COL1A2: variants seen among roughly 807,000 people sequenced by gnomAD.
COL1A2 encodes collagen alpha-2(I) chain.
COL1A2 carries 49 observed loss-of-function variants against 174.3 expected under a neutral mutation model. The ratio of observed to expected loss-of-function variants is 0.28; its 90% CI spans 0.22 to 0.36. The LOEUF (loss-of-function observed/expected upper bound fraction) is 0.36. Among genes scored for constraint, COL1A2 ranks in the 10% least tolerant of loss-of-function variants. The pLI is 1.00. For missense variants in COL1A2, 1,438 were observed against 1,822.7 expected (o/e 0.79, Z 3.84); for synonymous variants, 655 against 606.6 (o/e 1.08, Z -1.17).
chr7:94,398,185 T>C (rs1422145378), intron 2 of COL1A2, among the ~76,000 whole-genome samples, 197 bp from the exon 3 acceptor site: 2 of 152,102 alleles, frequency 1.3e-5, no homozygotes, highest in African/African-American at 4.8e-5. Context: ...GTATTTTTTG[T>C]TCTGTAGGTA....
chr7:94,424,369 C>T lies in COL1A2; in HGVS notation c.2599C>T (p.Leu867Phe). Residue 867 changes from leucine (L) to phenylalanine (F), a missense_variant, in exon 41 of 52, where the codon CTT (leucine) becomes TTT (phenylalanine). By Grantham distance (22) the Leu-to-Phe change is conservative (BLOSUM62 0). Around this residue, in one of 3 missense-constraint regions of COL1A2, gnomAD observed 867 missense variants for 1,213.7 expected, o/e 0.71. Transcript: ENST00000297268. Reference sequence around the variant, plus strand: ...TGGCACTCCAGGTCCTCAGGGTCTTCTTGGTGCTCCTGGTATTCTGGGTCT... The same window carrying T: ...TGGCACTCCAGGTCCTCAGGGTCTTTTTGGTGCTCCTGGTATTCTGGGTCT... ...PPGTPGPQGL[L>F]GAPGILGLPG... The T allele has an allele frequency of 6.2e-7, 1 of 1,614,136 alleles. No individual in the cohort carries two copies. The highest frequency in any genetic ancestry group is 8.5e-7 in the Non-Finnish European group (1 of 1,180,012).
intron 40 of COL1A2, chr7:94,423,667 T>G (rs1792215608): frequency 6.1e-6 from 1 of 165,242 alleles, no homozygotes. Flanking sequence ...CGATCTCAGC[T>G]CACTGCGACT....
rs541912705 is a variant in COL1A2 at position 94,420,627 on chromosome 7, C to G, written c.2274C>G (p.Pro758=). ...ACGGTGTTGTTGGTCCCACAGGCCC[C>G]GTTGGAGCTGCTGGCCCAGCTGTAA... is the stretch of plus-strand genomic sequence containing the variant. ...GENGVVGPTG[P]VGAAGPAGPN... Residue 758 remains proline, a synonymous_variant, in exon 37 of 52, where the codon CCC becomes CCG. Transcript: ENST00000297268. 2.5e-6 allele frequency: 4 copies of G among 1,604,024 alleles called. No homozygotes were observed. The African/African-American group carries it at 5.4e-5, about 21-fold the overall frequency.
chr7:94,412,165 T>TGCACCCTTATC, intron 24 of COL1A2, 44 bp downstream of exon 24: 1 of 1,522,864 alleles, frequency 6.6e-7, no homozygotes, highest in Non-Finnish European at 9.1e-7. Context: ...GGACACTTAT[T>TGCACCCTTATC]GCACCCTTAT....
intron 41 of COL1A2, 166 bp from the exon 42 acceptor site, chr7:94,424,951 G>C: frequency 1.5e-6 from 1 of 669,990 alleles, no homozygotes; most frequent in Non-Finnish European, 2.7e-6. Context: ...TGGAGAAGGA[G>C]GGCAGAGATG....
chr7:94,427,995 T>A, intron 49 of COL1A2, 110 bp downstream of exon 49: 17 of 1,205,242 alleles, frequency 1.4e-5, no homozygotes, highest in Non-Finnish European at 2.0e-5. Context: ...GATTACATTA[T>A]GTGAAATCAC....
At chr7:94,397,663 T>C in intron 1 of COL1A2, 85 bp from the exon 2 acceptor site, 1 of 780,014 alleles carries the variant, frequency 1.3e-6, no homozygotes, top group South Asian at 1.6e-5. Flanking sequence ...TCTATAAACT[T>C]GTTTCTCTAT....
At chr7:94,407,283 A>G (rs180755872) in intron 12 of COL1A2, among the ~76,000 whole-genome samples, 3 of 152,284 alleles carry the variant, frequency 2.0e-5, no homozygotes, top group South Asian at 2.1e-4. Flanking sequence ...TATTTCCCCT[A>G]TATCTAAATC....
intron 31 of COL1A2, among the ~76,000 whole-genome samples, chr7:94,417,113 A>G (rs945470346): frequency 1.3e-5 from 2 of 152,226 alleles, no homozygotes; most frequent in African/African-American, 2.4e-5. Context: ...CATTAGTTGC[A>G]AAAAGCTATT....
At chr7:94,417,974 CA>C in intron 32 of COL1A2, 143 bp downstream of exon 32, 1 of 721,614 alleles carries the variant, frequency 1.4e-6, no homozygotes, top group Non-Finnish European at 2.4e-6. Flanking sequence ...TGCCACCTAG[CA>C]CCTACACATT....
At chr7:94,427,492 A>G (rs1252049220) in intron 48 of COL1A2, 135 bp from the exon 49 acceptor site, 1 of 1,201,052 alleles carries the variant, frequency 8.3e-7, no homozygotes, top group Non-Finnish European at 1.2e-6. Context: ...CTCGTTATTT[A>G]TTTATGTGAA....
chr7:94,418,503 A>G lies in COL1A2; in HGVS notation c.1976A>G (p.Glu659Gly), dbSNP rs766488808. ...GCTCTTGCTTTATACTTTCAGGGTG[A>G]ACCTGGTCTCAGAGGTGAAATTGGT... is the stretch of plus-strand genomic sequence containing the variant. The part of the protein sequence containing the change: ...GIPGGKGEKG[E>G]PGLRGEIGNP... Residue 659 changes from glutamate (E) to glycine (G), a missense_variant, in exon 33 of 52, where the codon GAA becomes GGA. Glu to Gly is a moderately conservative substitution (Grantham distance 98, BLOSUM62 -2). Coordinates refer to ENST00000297268, the MANE Select transcript of COL1A2 (RefSeq NM_000089.4). The G allele has an allele frequency of 2.5e-6, 4 of 1,613,928 alleles. No homozygotes were observed. In the East Asian group the frequency reaches 8.9e-5, roughly 36 times the overall value.
chr7:94,426,675 G>T (rs1451446900), intron 46 of COL1A2, 145 bp downstream of exon 46: 2 of 750,372 alleles, frequency 2.7e-6, no homozygotes, highest in East Asian at 2.7e-5. Context: ...TCTCACTCTT[G>T]GAGGTAATGC....
Position 94,397,732 on chromosome 7 carries a change from T to C in COL1A2, c.71-16T>C. ...ACTAATAATTGTTTCCTACTTTTTC[T>C]TTTTTTTTTCTACAGCTTTACAAGA... On this transcript the variant is annotated splice_polypyrimidine_tract_variant and intron_variant, in intron 1 of 51. Coordinates refer to ENST00000297268, the MANE Select transcript of COL1A2 (RefSeq NM_000089.4). 1 of 1,142,780 alleles carries C rather than the reference T, an allele frequency of 8.8e-7. No individual in the cohort carries two copies. The highest frequency in any genetic ancestry group is 1.4e-5 in the South Asian group (1 of 73,042). 70.8% of individuals were successfully genotyped at this position (1,142,780 alleles called of 1,614,324 possible).
intron 1 of COL1A2, among the ~76,000 whole-genome samples, chr7:94,396,394 T>C (rs1791585529): frequency 6.6e-6 from 1 of 152,026 alleles, no homozygotes; most frequent in Non-Finnish European, 1.5e-5. Flanking sequence ...GTATACATAC[T>C]GTGGATACTA....
At chr7:94,402,528 T>C (rs1791707569) in intron 6 of COL1A2, among the ~76,000 whole-genome samples, 1 of 152,028 alleles carries the variant, frequency 6.6e-6, no homozygotes, top group Non-Finnish European at 1.5e-5. Context: ...ATGATGATGA[T>C]GATGACTATT....
chr7:94,426,116 G>A, intron 45 of COL1A2, 65 bp downstream of exon 45: 1 of 1,434,328 alleles, frequency 7.0e-7, no homozygotes, highest in African/African-American at 1.4e-5. Flanking sequence ...CAAAACATCT[G>A]TTAAGAAAAT....
At position 94,430,524 on chromosome 7, in the gene COL1A2, G is replaced by A; in HGVS notation, c.*131G>A. The A allele has an allele frequency of 2.1e-6, 2 of 954,746 alleles. No homozygotes were observed. Among genetic ancestry groups the A allele is most frequent in the Non-Finnish European group, 3.2e-6 (2 of 634,026 alleles). The allele number at this position is 954,746 out of a possible 1,614,324, so 59.1% of individuals were successfully genotyped here. ...GCACATCTACTTGCTTAAATTGTGGGCAAAAGAGAAAAAGAAGGATTGATC... is the reference window on the plus strand; with the variant it reads ...GCACATCTACTTGCTTAAATTGTGGACAAAAGAGAAAAAGAAGGATTGATC... On this transcript the variant is annotated 3_prime_UTR_variant, in exon 52 of 52. Transcript: ENST00000297268.
In COL1A2 at chr7:94,409,429, C is replaced by T. The variant is rs201112901; in HGVS notation, c.891+9C>T. 1.2e-6 allele frequency: 2 copies of T among 1,613,668 alleles called. No homozygotes were observed. Among genetic ancestry groups the T allele is most frequent in the East Asian group, 2.2e-5 (1 of 44,882 alleles). On this transcript the variant is annotated intron_variant, in intron 17 of 51. Coordinates refer to ENST00000297268, the MANE Select transcript of COL1A2 (RefSeq NM_000089.4). The stretch of plus-strand genomic sequence containing the variant: ...GCCCCGTTGGACCTCCTGTAAGTAG[C>T]CACTGTCTTTAAACTTTATTGAGTA...
Sources: allele counts gnomAD v4.1 joint callset (sites outside exome capture counted in the v4.1 genomes callset), GRCh38; gene constraint gnomAD v4.1.1; regional missense constraint gnomAD v4.1.1; transcripts MANE v1.5; gene names NCBI Gene and HGNC (gene_info 2026-07-23, HGNC 2026-07-21).